CDK6: variants seen among roughly 807,000 people sequenced by gnomAD.
The protein encoded by CDK6 is cyclin-dependent kinase 6.
Under a neutral mutation model 37.1 loss-of-function variants are expected in CDK6, and 6 were observed. The ratio of observed to expected loss-of-function variants is 0.16; its 90% CI spans 0.09 to 0.32. CDK6 has a LOEUF of 0.32. Among genes scored for constraint, CDK6 ranks in the 10% least tolerant of loss-of-function variants. CDK6 has a pLI of 1.00. For synonymous variants in CDK6, 160 were observed against 161.3 expected (o/e 0.99, Z 0.06); for missense variants, 224 against 418.9 (o/e 0.53, Z 4.06).
intron 2 of CDK6, among the ~76,000 whole-genome samples, chr7:92,806,481 T>C (rs1003331542): frequency 2.6e-5 from 4 of 152,332 alleles, no homozygotes; most frequent in Middle Eastern, 3.4e-3. Flanking sequence ...AAAATGGATA[T>C]GCACGTGTCC....
At chr7:92,631,693 G>A (rs2116513447) in intron 5 of CDK6, among the ~76,000 whole-genome samples, 1 of 152,284 alleles carries the variant, frequency 6.6e-6, no homozygotes, top group Non-Finnish European at 1.5e-5. Context: ...ACCACAACTA[G>A]GGGGTCACTG....
chr7:92,673,138 A>G (rs919755982), intron 4 of CDK6, among the ~76,000 whole-genome samples: 2 of 152,278 alleles, frequency 1.3e-5, no homozygotes, highest in Admixed American at 6.5e-5. Context: ...GCCCCAGTTG[A>G]GCTCTCAGCT....
At chr7:92,724,744 G>A (rs1430144540) in intron 4 of CDK6, among the ~76,000 whole-genome samples, 1 of 151,770 alleles carries the variant, frequency 6.6e-6, no homozygotes, top group Non-Finnish European at 1.5e-5. Flanking sequence ...TTATTTCTTT[G>A]AATATACAAA....
chr7:92,788,767 A>G (rs531426916), intron 2 of CDK6, among the ~76,000 whole-genome samples: 84 of 152,310 alleles, frequency 5.5e-4, no homozygotes, highest in African/African-American at 1.9e-3. Context: ...TAAGATGAAC[A>G]ACTACTTCTC....
chr7:92,622,716 T>C (rs1200020665), intron 6 of CDK6, among the ~76,000 whole-genome samples: 1 of 152,086 alleles, frequency 6.6e-6, no homozygotes. Context: ...CCATCTCTGA[T>C]GGTGGGTGCT....
chr7:92,765,735 C>T (rs994963242), intron 3 of CDK6, among the ~76,000 whole-genome samples: 4 of 151,916 alleles, frequency 2.6e-5, no homozygotes, highest in African/African-American at 9.7e-5. Flanking sequence ...GACTTAAAGT[C>T]TCATCTAGTT....
rs113994556 is a variant in CDK6, at chr7:92,739,981, C to T, written c.370-14188G>A. ...GCTATGTTGCCCAGGCTGGTCTAAACACCTGGGCTCAAGTAACTCTTCTGT... is the reference window on the plus strand; with the variant it reads ...GCTATGTTGCCCAGGCTGGTCTAAATACCTGGGCTCAAGTAACTCTTCTGT... On this transcript the variant is annotated intron_variant, in intron 3 of 7. Transcript: ENST00000424848. Among the ~76,000 whole-genome samples, 500 of 152,158 alleles carry T rather than the reference C, an allele frequency of 3.3e-3. 3 individuals carry two copies. The highest frequency in any genetic ancestry group is 8.7e-3 in the African/African-American group (363 of 41,512).
chr7:92,747,572 G>A (rs570210747), intron 3 of CDK6, among the ~76,000 whole-genome samples: 1 of 152,258 alleles, frequency 6.6e-6, no homozygotes, highest in African/African-American at 2.4e-5. Flanking sequence ...TCAAATCTCT[G>A]GCTTCTGCTG....
chr7:92,705,270 A>C (rs1797940860), intron 4 of CDK6, among the ~76,000 whole-genome samples: 1 of 152,202 alleles, frequency 6.6e-6, no homozygotes, highest in South Asian at 2.1e-4. Flanking sequence ...GTGTACTTAG[A>C]ATTCCATATA....
chr7:92,676,730 C>T (rs2116615168), intron 4 of CDK6, among the ~76,000 whole-genome samples: 1 of 152,158 alleles, frequency 6.6e-6, no homozygotes, highest in East Asian at 1.9e-4. Flanking sequence ...ATATGTTTTT[C>T]TCCCTAAAGA....
At chr7:92,788,823 A>C (rs189163242) in intron 2 of CDK6, among the ~76,000 whole-genome samples, 1 of 152,304 alleles carries the variant, frequency 6.6e-6, no homozygotes, top group African/African-American at 2.4e-5. Flanking sequence ...GCAATTTGGA[A>C]GTGCTGGAAG....
intron 5 of CDK6, among the ~76,000 whole-genome samples, chr7:92,635,027 C>T (rs975350406): frequency 2.0e-5 from 3 of 152,108 alleles, no homozygotes; most frequent in Non-Finnish European, 2.9e-5. Flanking sequence ...ACCAAAAGCA[C>T]CGAGGATTAG....
intron 4 of CDK6, among the ~76,000 whole-genome samples, chr7:92,721,222 C>T (rs1798357563): frequency 2.0e-5 from 3 of 152,308 alleles, no homozygotes; most frequent in Middle Eastern, 3.4e-3. Flanking sequence ...CAAACAGCTG[C>T]CCCTAGGCTT....
At position 92,614,179 on chromosome 7, in the gene CDK6, AAATAACAACAACAAACAAC is replaced by A. The variant is rs1256834134; in HGVS notation, c.*942_*960del. 1.3e-4 allele frequency: 31 copies of A among 233,102 alleles called. No homozygotes were observed. The highest frequency in any genetic ancestry group is 6.8e-4 in the African/African-American group (31 of 45,356). 14.4% of individuals were successfully genotyped at this position (233,102 alleles called of 1,614,324 possible). A position where few individuals can be genotyped will look rare whatever the true frequency, so the allele number is the denominator to read the frequency against. On this transcript the variant is annotated 3_prime_UTR_variant, in exon 8 of 8. Transcript: ENST00000424848. ...TGACAAATTCCTAAAAACAAAAACA[AAATAACAACAACAAACAAC>A]AATAACAACAACAAAAAAAGGGAAG...
At chr7:92,735,419 C>G (rs1162879176) in intron 3 of CDK6, among the ~76,000 whole-genome samples, 2 of 152,098 alleles carry the variant, frequency 1.3e-5, no homozygotes, top group Admixed American at 1.3e-4. Flanking sequence ...AGCTCTTCCC[C>G]GCTCCTCTAG....
At position 92,833,031 on chromosome 7, in the gene CDK6, G is replaced by T; in HGVS notation, c.233+60C>A. 8.0e-7 allele frequency: 1 copy of T among 1,253,480 alleles called. No individual in the cohort carries two copies. The allele number at this position is 1,253,480 out of a possible 1,614,324, so 77.6% of individuals were successfully genotyped here. A position where few individuals can be genotyped will look rare whatever the true frequency, so the allele number is the denominator to read the frequency against. The stretch of plus-strand genomic sequence containing the variant: ...ACCTTTCTGGGCCTGAGGATTCCCG[G>T]CTCGGCCCTCCCCGCGCGCGCGAGG... On this transcript the variant is annotated intron_variant, in intron 2 of 7. Coordinates refer to ENST00000424848, the MANE Select transcript of CDK6 (RefSeq NM_001145306.2). This position sits in a 1 kb window ranked among gnomAD's most constrained non-coding sequence, Gnocchi z 6.1.
chr7:92,807,867 C>A (rs1800768386), intron 2 of CDK6, among the ~76,000 whole-genome samples: 1 of 152,182 alleles, frequency 6.6e-6, no homozygotes, highest in South Asian at 2.1e-4. Flanking sequence ...TCATAACTAC[C>A]ATTTTATTAG....
At chr7:92,656,735 T>A (rs1430701057) in intron 5 of CDK6, among the ~76,000 whole-genome samples, 1 of 152,176 alleles carries the variant, frequency 6.6e-6, no homozygotes, top group African/African-American at 2.4e-5. Context: ...CTCCTGCTCA[T>A]GAGAAAAATG....
chr7:92,712,859 T>C (rs943895838), intron 4 of CDK6, among the ~76,000 whole-genome samples: 8 of 151,206 alleles, frequency 5.3e-5, no homozygotes, highest in Admixed American at 2.0e-4. Context: ...TGTATGTATG[T>C]ATGTATGTAT....
Sources: gnomAD v4.1 joint callset for allele counts (sites outside exome capture counted in the v4.1 genomes callset) on GRCh38, gnomAD v4.1.1 for gene constraint, Gnocchi (gnomAD v3.1) non-coding constraint, MANE v1.5 for transcripts, NCBI Gene and HGNC (gene_info 2026-07-23, HGNC 2026-07-21) for gene names.